The following SCN8A variants were observed in gnomAD, a reference collection of about 807,000 sequenced individuals.
SCN8A encodes the protein sodium voltage-gated channel alpha subunit 8.
In SCN8A, 30 loss-of-function variants were observed where a neutral mutation model predicts 184.1. That is an observed-to-expected ratio of 0.16 (90% CI 0.12 to 0.22). The LOEUF (loss-of-function observed/expected upper bound fraction) is 0.22, where lower values mean the gene tolerates loss of function less well. Ranked by LOEUF, SCN8A falls within the 10% of genes least tolerant of loss-of-function variation. SCN8A has a pLI of 1.00. For synonymous variants in SCN8A, 852 were observed against 907.0 expected (o/e 0.94, Z 1.09); for missense variants, 1,057 against 2,498.9 (o/e 0.42, Z 12.30).
chr12:51,754,291 C>G lies in SCN8A; in HGVS notation c.2370+2698C>G, dbSNP rs1942639085. On this transcript the variant is annotated intron_variant, in intron 14 of 26. Coordinates refer to ENST00000627620, the MANE Select transcript of SCN8A (RefSeq NM_001330260.2). ...GACTTTTTAAACATTCTGAATCTTA[C>G]AGGAAAGTTTCAAGTACAGTACAAA... Among the ~76,000 whole-genome samples, 4 of 150,154 alleles carry G rather than the reference C, an allele frequency of 2.7e-5. No homozygotes were observed. The Admixed American group carries it at 2.7e-4, about 10-fold the overall frequency.
At chr12:51,684,748 G>C (rs1834328658) in intron 3 of SCN8A, among the ~76,000 whole-genome samples, 1 of 152,172 alleles carries the variant, frequency 6.6e-6, no homozygotes, top group South Asian at 2.1e-4. Flanking sequence ...CTTAGAAAGT[G>C]AGATAGTTCT....
At chr12:51,791,214 AC>A (rs1322875609) in intron 25 of SCN8A, among the ~76,000 whole-genome samples, 1 of 152,154 alleles carries the variant, frequency 6.6e-6, no homozygotes, top group African/African-American at 2.4e-5. Flanking sequence ...ACACAACACC[AC>A]CAAAAAAACC....
chr12:51,797,958 C>T (rs184872553), intron 26 of SCN8A, among the ~76,000 whole-genome samples: 6 of 152,246 alleles, frequency 3.9e-5, no homozygotes, highest in East Asian at 1.9e-4. Context: ...TTTTGCTAGC[C>T]GGTCACTAGG....
chr12:51,592,850 G>A (rs891173300), intron 1 of SCN8A, among the ~76,000 whole-genome samples: 3 of 151,990 alleles, frequency 2.0e-5, no homozygotes, highest in African/African-American at 2.4e-5. Context: ...TGGAGATTTC[G>A]GGTGTGGTAG....
chr12:51,594,966 CA>C lies in SCN8A; in HGVS notation c.-55+3615del, dbSNP rs1030111364. ...TTTTCTTAATCCTTTAGAAATGTTCCAAAAAAAACTGTAATGTGAAAGAATT... is the reference window on the plus strand; with the variant it reads ...TTTTCTTAATCCTTTAGAAATGTTCCAAAAAAACTGTAATGTGAAAGAATT... On this transcript the variant is annotated intron_variant, in intron 1 of 26. Transcript: ENST00000627620. Among the ~76,000 whole-genome samples the C allele has an allele frequency of 2.6e-5, 4 of 151,602 alleles. No individual in the cohort carries two copies. The East Asian group carries it at 7.7e-4, about 29-fold the overall frequency.
intron 1 of SCN8A, among the ~76,000 whole-genome samples, chr12:51,646,765 TG>T (rs1940598369): frequency 6.6e-6 from 1 of 152,010 alleles, no homozygotes; most frequent in Non-Finnish European, 1.5e-5. Flanking sequence ...AAAAGAAACA[TG>T]GAAAGCAAGT....
rs557016506 is a variant in SCN8A, at chr12:51,810,293, C to T, written c.*2864C>T. The T allele has an allele frequency of 7.4e-6, 2 of 270,622 alleles. No homozygotes were observed. Among genetic ancestry groups the T allele is most frequent in the South Asian group, 2.8e-5 (1 of 35,590 alleles). The allele number at this position is 270,622 out of a possible 1,614,324, so 16.8% of individuals were successfully genotyped here. A position where few individuals can be genotyped will look rare whatever the true frequency, so the allele number is the denominator to read the frequency against. On this transcript the variant is annotated 3_prime_UTR_variant, in exon 27 of 27. Coordinates refer to ENST00000627620, the MANE Select transcript of SCN8A (RefSeq NM_001330260.2). ...TTCCCACCTTTTTATCCTTCACCCACTGTCCTTCCACCTGCTCACTCACTC... is the reference window on the plus strand; with the variant it reads ...TTCCCACCTTTTTATCCTTCACCCATTGTCCTTCCACCTGCTCACTCACTC...
At chr12:51,655,300 T>C (rs1185413877) in intron 1 of SCN8A, among the ~76,000 whole-genome samples, 1 of 152,162 alleles carries the variant, frequency 6.6e-6, no homozygotes, top group Non-Finnish European at 1.5e-5. Flanking sequence ...TTTCTTTTCC[T>C]CTTTCATGCC....
chr12:51,645,514 G>T (rs914214698), intron 1 of SCN8A, among the ~76,000 whole-genome samples: 1 of 152,074 alleles, frequency 6.6e-6, no homozygotes, highest in African/African-American at 2.4e-5. Context: ...AGAATAGAAA[G>T]GGGGGAAAGG....
chr12:51,667,217 G>T (rs1729707009), intron 2 of SCN8A, among the ~76,000 whole-genome samples: 1 of 152,106 alleles, frequency 6.6e-6, no homozygotes. Context: ...ACTGATAGTA[G>T]TATCTTCCAG....
intron 1 of SCN8A, among the ~76,000 whole-genome samples, chr12:51,643,312 A>T (rs1360971214): frequency 6.6e-6 from 1 of 152,168 alleles, no homozygotes; most frequent in Non-Finnish European, 1.5e-5. Context: ...TTCGAGTTCG[A>T]GTCTCGCTTT....
chr12:51,757,264 AC>A (rs1421046464), intron 14 of SCN8A, among the ~76,000 whole-genome samples: 1 of 152,160 alleles, frequency 6.6e-6, no homozygotes, highest in African/African-American at 2.4e-5. Flanking sequence ...TGAGTTACTT[AC>A]ATTCTGGCGA....
At chr12:51,745,403 A>T (rs571681803) in intron 12 of SCN8A, among the ~76,000 whole-genome samples, 107 of 152,332 alleles carry the variant, frequency 7.0e-4, no homozygotes, top group African/African-American at 2.5e-3. Context: ...GAGGCAGTTT[A>T]TTAGAATAAT....
chr12:51,595,180 A>C (rs1939319343), intron 1 of SCN8A, among the ~76,000 whole-genome samples: 1 of 152,192 alleles, frequency 6.6e-6, no homozygotes, highest in Non-Finnish European at 1.5e-5. Flanking sequence ...CCGCTTAAAA[A>C]ATAATACTGT....
intron 12 of SCN8A, among the ~76,000 whole-genome samples, chr12:51,728,025 G>A (rs1373022293): frequency 6.6e-6 from 1 of 151,984 alleles, no homozygotes; most frequent in African/African-American, 2.4e-5. Context: ...TAGGGAAGAG[G>A]GCCTGCTCAC....
intron 13 of SCN8A, among the ~76,000 whole-genome samples, chr12:51,748,606 TAATATCAA>T (rs1942549515): frequency 6.6e-6 from 1 of 152,208 alleles, no homozygotes; most frequent in Non-Finnish European, 1.5e-5. Context: ...TATTGATTTT[TAATATCAA>T]GGAAGTACTT....
intron 14 of SCN8A, among the ~76,000 whole-genome samples, chr12:51,752,526 G>A (rs1335634685): frequency 6.6e-6 from 1 of 151,984 alleles, no homozygotes; most frequent in East Asian, 1.9e-4. Context: ...AAAACACATG[G>A]CAAAGAGATC....
intron 2 of SCN8A, among the ~76,000 whole-genome samples, chr12:51,682,021 T>G (rs1460876474): frequency 2.6e-5 from 4 of 152,150 alleles, no homozygotes; most frequent in African/African-American, 9.7e-5. Flanking sequence ...CTATTACTAG[T>G]TTGTTGAGTA....
chr12:51,709,929 A>G (rs553390541), intron 11 of SCN8A, among the ~76,000 whole-genome samples: 1 of 152,328 alleles, frequency 6.6e-6, no homozygotes, highest in African/African-American at 2.4e-5. Flanking sequence ...AACCCCTGAC[A>G]GTTTAGTGTT....
Sources: gnomAD v4.1 joint callset for allele counts (sites outside exome capture counted in the v4.1 genomes callset) on GRCh38, gnomAD v4.1.1 for gene constraint, MANE v1.5 for transcripts, NCBI Gene and HGNC (gene_info 2026-07-23, HGNC 2026-07-21) for gene names.